The following OSMR variants were observed in gnomAD, a reference collection of about 807,000 sequenced individuals.
OSMR encodes oncostatin M receptor.
OSMR carries 81 observed loss-of-function variants against 99.9 expected under a neutral mutation model. That is an observed-to-expected ratio of 0.81 (90% confidence interval 0.68 to 0.97). The LOEUF (loss-of-function observed/expected upper bound fraction) is 0.97, where lower values mean the gene tolerates loss of function less well. OSMR is among the 50% of genes least tolerant of loss of function. The pLI is 0.00. For synonymous variants in OSMR, 406 were observed against 410.4 expected, an observed-to-expected ratio of 0.99 and a Z score of 0.13; for missense variants, 1,099 against 1,153.4, an observed-to-expected ratio of 0.95 and a Z score of 0.68.
intron 11 of OSMR, chr5:38,919,560 T>C: frequency 6.1e-6 from 2 of 327,560 alleles, no homozygotes; most frequent in South Asian, 5.2e-5. Flanking sequence ...CTGGCTAATC[T>C]CTTGCCTATG....
Position 38,890,400 on chromosome 5 carries a change from G to GT in OSMR, c.991+4212dup, listed in dbSNP as rs143400552. ...TGCTCTGAACTCAAGATTTTGACTT[G>GT]TTAATCTGAGAGCCTAAATTTTTAT... On this transcript the variant is annotated intron_variant, in intron 7 of 17. Transcript: ENST00000274276. 0.024 allele frequency among the ~76,000 whole-genome samples: 3,677 copies of GT among 152,220 alleles called. 339 individuals carry two copies. In the East Asian group the frequency reaches 0.36, roughly 15 times the overall value.
intron 10 of OSMR, among the ~76,000 whole-genome samples, chr5:38,917,863 G>C (rs1477406327): frequency 6.6e-6 from 1 of 152,080 alleles, no homozygotes; most frequent in Non-Finnish European, 1.5e-5. Context: ...CTCAGGCCAG[G>C]CTTGACTTTT....
In OSMR at chr5:38,846,397, A is replaced by C. The variant is rs1739814075; in HGVS notation, c.-14+10A>C. On this transcript the variant is annotated intron_variant, in intron 1 of 17. Coordinates refer to ENST00000274276, the MANE Select transcript of OSMR (RefSeq NM_003999.3). ...CCGGCCTGCCTACCTGGTGGGTGAA[A>C]ACTAAATGATTCATTCCTTACAGGC... The C allele has an allele frequency of 6.6e-6, 1 of 152,242 alleles. No individual in the cohort carries two copies. The highest frequency in any genetic ancestry group is 2.4e-5 in the African/African-American group (1 of 41,448). 9.4% of individuals were successfully genotyped at this position (152,242 alleles called of 1,614,324 possible).
chr5:38,924,304 C>T, intron 13 of OSMR, 118 bp from the exon 14 acceptor site: 3 of 1,555,778 alleles, frequency 1.9e-6, no homozygotes, highest in Non-Finnish European at 2.6e-6. Flanking sequence ...AACTCCTTAA[C>T]TTGGCATAAG....
chr5:38,920,158 TC>T (rs1209428312), intron 11 of OSMR, among the ~76,000 whole-genome samples: 1 of 152,162 alleles, frequency 6.6e-6, no homozygotes, highest in African/African-American at 2.4e-5. Context: ...TTTTGGGGTC[TC>T]CTACCACACC....
intron 9 of OSMR, 26 bp downstream of exon 9, chr5:38,904,529 C>T (rs201020824): frequency 6.2e-7 from 1 of 1,613,782 alleles, no homozygotes; most frequent in Non-Finnish European, 8.5e-7. Flanking sequence ...GGCATTTAAC[C>T]CAAAGAAGTA....
downstream of OSMR, among the ~76,000 whole-genome samples, chr5:38,936,643 T>TAAAC (rs982216836): frequency 6.6e-6 from 1 of 152,226 alleles, no homozygotes; most frequent in Non-Finnish European, 1.5e-5. Context: ...ATCTTCTTAT[T>TAAAC]AAACACTTCT....
chr5:38,930,243 T>C (rs1401150110), intron 15 of OSMR, among the ~76,000 whole-genome samples: 2 of 152,226 alleles, frequency 1.3e-5, no homozygotes, highest in East Asian at 3.9e-4. Context: ...AGGTTTTCCA[T>C]AGTAAGATTC....
intron 10 of OSMR, 154 bp from the exon 11 acceptor site, chr5:38,918,686 T>G: frequency 3.1e-6 from 3 of 956,568 alleles, no homozygotes; most frequent in Non-Finnish European, 3.7e-6. Flanking sequence ...GATTTCAGAG[T>G]TGGTTGAGAG....
At position 38,904,469 on chromosome 5, in the gene OSMR, A is replaced by G; in HGVS notation, c.1251A>G (p.Glu417=). The G allele has an allele frequency of 6.2e-7, 1 of 1,614,174 alleles. No individual in the cohort carries two copies. Residue 417 remains glutamate (E), a synonymous_variant, in exon 9 of 18, where the codon GAA becomes GAG. Transcript: ENST00000274276. The part of the protein sequence containing the change: ...ADASHFWKWS[E]WSGQNFTTLE... ...CCAGCCACTTCTGGAAATGGAGTGA[A>G]TGGAGTGGTCAGAACTTCACCACAC...
chr5:38,943,035 G>A (rs1165474663), intron 1 of OSMR: 2 of 1,228,056 alleles, frequency 1.6e-6, no homozygotes, highest in Non-Finnish European at 1.2e-6. Flanking sequence ...TTCCTCCAAG[G>A]TATCACTTAC....
intron 10 of OSMR, 98 bp downstream of exon 10, chr5:38,917,720 T>C (rs1745991712): frequency 2.1e-6 from 2 of 940,412 alleles, no homozygotes; most frequent in Non-Finnish European, 3.4e-6. Context: ...TGGTTCAGTG[T>C]CCCAACTGGG....
At chr5:38,854,405 C>A (rs1036563518) in intron 1 of OSMR, among the ~76,000 whole-genome samples, 1 of 152,110 alleles carries the variant, frequency 6.6e-6, no homozygotes, top group Non-Finnish European at 1.5e-5. Flanking sequence ...TGTTTTATTA[C>A]GCATGTGATA....
intron 7 of OSMR, chr5:38,886,396 C>T: frequency 7.3e-7 from 1 of 1,376,358 alleles, no homozygotes; most frequent in Non-Finnish European, 9.4e-7. Flanking sequence ...GTCACGAGCA[C>T]CAATGAGCTT....
intron 1 of OSMR, among the ~76,000 whole-genome samples, chr5:38,856,227 A>G (rs1410950530): frequency 2.0e-5 from 3 of 152,212 alleles, no homozygotes; most frequent in South Asian, 4.1e-4. Flanking sequence ...TTCATACTGC[A>G]TCAGCCATGA....
chr5:38,936,720 G>T (rs1425476029), downstream of OSMR, among the ~76,000 whole-genome samples: 3 of 152,194 alleles, frequency 2.0e-5, no homozygotes, highest in Admixed American at 6.5e-5. Flanking sequence ...AAAGCAGTCT[G>T]CATAAAGTAG....
intron 1 of OSMR, among the ~76,000 whole-genome samples, chr5:38,943,636 A>C (rs1264311693): frequency 6.6e-6 from 1 of 152,138 alleles, no homozygotes; most frequent in Admixed American, 6.5e-5. Context: ...AACCTGGCGA[A>C]ACTCTGTTTC....
chr5:38,875,885 T>C (rs1226665865), intron 2 of OSMR, among the ~76,000 whole-genome samples: 4 of 152,240 alleles, frequency 2.6e-5, no homozygotes, highest in Non-Finnish European at 5.9e-5. Context: ...TTTCTTTTTT[T>C]CAGCCTTGTT....
intron 9 of OSMR, among the ~76,000 whole-genome samples, chr5:38,911,098 T>A (rs1745547277): frequency 6.6e-6 from 1 of 151,988 alleles, no homozygotes; most frequent in Admixed American, 6.6e-5. Context: ...AAATTAGAAC[T>A]GAACTGAAGG....
Sources: allele counts gnomAD v4.1 joint callset (sites outside exome capture counted in the v4.1 genomes callset), GRCh38; gene constraint gnomAD v4.1.1; transcripts MANE v1.5; gene names NCBI Gene and HGNC (gene_info 2026-07-23, HGNC 2026-07-21).